LIN7A: variants seen among roughly 807,000 people sequenced by gnomAD.
LIN7A encodes the protein lin-7 cell polarity scaffold A, also known as protein lin-7 homolog A.
A neutral mutation model predicts 29.8 loss-of-function variants in LIN7A; 25 were observed. That is an observed-to-expected ratio of 0.84 (90% CI 0.61 to 1.17). LIN7A has a LOEUF of 1.17. LIN7A is among the 50% of genes most tolerant of loss of function. LIN7A has a pLI of 0.00. For synonymous variants in LIN7A, 118 were observed against 107.5 expected, an observed-to-expected ratio of 1.10 and a Z score of -0.60; for missense variants, 239 against 287.0, an observed-to-expected ratio of 0.83 and a Z score of 1.21.
chr12:80,874,539 T>C (rs1874586850), intron 2 of LIN7A, among the ~76,000 whole-genome samples: 1 of 152,212 alleles, frequency 6.6e-6, no homozygotes. Flanking sequence ...CAATACATTG[T>C]GTTGTGTTAA....
At chr12:80,809,994 T>C (rs1473400707) in intron 5 of LIN7A, among the ~76,000 whole-genome samples, 1 of 152,250 alleles carries the variant, frequency 6.6e-6, no homozygotes, top group Non-Finnish European at 1.5e-5. Flanking sequence ...TTACCACAAA[T>C]ACTTATTGTT....
chr12:80,847,894 C>T (rs533577493), intron 3 of LIN7A, among the ~76,000 whole-genome samples: 6 of 152,168 alleles, frequency 3.9e-5, no homozygotes, highest in Admixed American at 6.5e-5. Context: ...ATCTTTAGAC[C>T]GGTGCAAATA....
intron 2 of LIN7A, among the ~76,000 whole-genome samples, chr12:80,887,732 C>T (rs140862284): frequency 1.3e-5 from 2 of 152,218 alleles, no homozygotes; most frequent in East Asian, 3.9e-4. Context: ...TTTTCTCCCA[C>T]TAGACTGTGA....
chr12:80,842,197 CT>C (rs1872856108), intron 4 of LIN7A: 1 of 1,099,948 alleles, frequency 9.1e-7, no homozygotes, highest in South Asian at 1.4e-5. Context: ...ATTTCCCCCC[CT>C]TTCCATCACA....
chr12:80,927,223 G>A (rs1275308231), intron 1 of LIN7A, among the ~76,000 whole-genome samples: 1 of 138,804 alleles, frequency 7.2e-6, no homozygotes, highest in African/African-American at 2.7e-5. Flanking sequence ...GTGCAGTGGC[G>A]TGATCTCGGC....
At chr12:80,875,129 G>T (rs2120528980) in intron 2 of LIN7A, among the ~76,000 whole-genome samples, 1 of 152,284 alleles carries the variant, frequency 6.6e-6, no homozygotes, top group Non-Finnish European at 1.5e-5. Flanking sequence ...CTTTGGTTCT[G>T]GTGCTAACTC....
intron 2 of LIN7A, among the ~76,000 whole-genome samples, chr12:80,864,435 ATTTT>A (rs1411121862): frequency 1.3e-5 from 2 of 152,110 alleles, no homozygotes; most frequent in African/African-American, 4.8e-5. Context: ...AAGCATTTGA[ATTTT>A]TTGTTTTGAA....
intron 4 of LIN7A, among the ~76,000 whole-genome samples, chr12:80,822,911 C>T (rs1871881226): frequency 6.6e-6 from 1 of 152,148 alleles, no homozygotes; most frequent in South Asian, 2.1e-4. Context: ...GGCTGGGCTG[C>T]CTGTTCAACG....
At chr12:80,806,670 G>A (rs1007013202) in intron 5 of LIN7A, among the ~76,000 whole-genome samples, 1 of 152,184 alleles carries the variant, frequency 6.6e-6, no homozygotes, top group Non-Finnish European at 1.5e-5. Flanking sequence ...GATGCTTAAA[G>A]TCTAATAGTT....
intron 4 of LIN7A, 189 bp downstream of exon 4, chr12:80,845,541 C>T (rs769455697): frequency 2.4e-5 from 12 of 495,464 alleles, no homozygotes; most frequent in Middle Eastern, 5.1e-4. Flanking sequence ...CATAACTGAA[C>T]ATAATGAAAT....
At chr12:80,908,892 A>G (rs1461112516) in intron 1 of LIN7A, among the ~76,000 whole-genome samples, 3 of 151,944 alleles carry the variant, frequency 2.0e-5, no homozygotes, top group Non-Finnish European at 2.9e-5. Context: ...TTTGAATACA[A>G]ATACTTTATC....
chr12:80,848,258 G>GT lies in LIN7A; in HGVS notation c.265dup (p.Thr89AsnfsTer12). The GT allele has an allele frequency of 6.2e-7, 1 of 1,612,322 alleles. No individual in the cohort carries two copies. Among genetic ancestry groups the GT allele is most frequent in the Non-Finnish European group, 8.5e-7 (1 of 1,178,566 alleles). ...AAGTTACTCAAGCCTTACCTTTGCTGTTGCCCTCGCACGGAATTCGGGACA... is the reference window on the plus strand; with the variant it reads ...AAGTTACTCAAGCCTTACCTTTGCTGTTTGCCCTCGCACGGAATTCGGGACA... On this transcript the variant is annotated frameshift_variant, in exon 3 of 6. Transcript: ENST00000552864. LOFTEE classifies it high-confidence loss of function.
At chr12:80,845,531 C>T in intron 4 of LIN7A, 199 bp downstream of exon 4, 1 of 448,322 alleles carries the variant, frequency 2.2e-6, no homozygotes. Context: ...TGATATTTAT[C>T]ATAACTGAAC....
chr12:80,897,804 A>G (rs1684349003), intron 1 of LIN7A, among the ~76,000 whole-genome samples: 1 of 151,968 alleles, frequency 6.6e-6, no homozygotes, highest in Non-Finnish European at 1.5e-5. Context: ...GACTGTCTCA[A>G]AAAAAATAAA....
chr12:80,804,026 A>G (rs1216098600), intron 5 of LIN7A, among the ~76,000 whole-genome samples: 2 of 152,200 alleles, frequency 1.3e-5, no homozygotes, highest in Non-Finnish European at 2.9e-5. Flanking sequence ...AATGTTAGGT[A>G]CATTTAAAAA....
intron 4 of LIN7A, among the ~76,000 whole-genome samples, chr12:80,824,490 G>T (rs1871964057): frequency 6.6e-6 from 1 of 151,994 alleles, no homozygotes; most frequent in South Asian, 2.1e-4. Context: ...AAGATAAAGA[G>T]GAAATCCTCC....
chr12:80,900,881 G>A (rs1367839591), intron 1 of LIN7A, among the ~76,000 whole-genome samples: 1 of 152,088 alleles, frequency 6.6e-6, no homozygotes, highest in Non-Finnish European at 1.5e-5. Flanking sequence ...TTAAGGAACT[G>A]GACTCCATCT....
chr12:80,834,497 T>C (rs1435023866), intron 4 of LIN7A, among the ~76,000 whole-genome samples: 1 of 152,176 alleles, frequency 6.6e-6, no homozygotes, highest in Non-Finnish European at 1.5e-5. Flanking sequence ...CTAATGATTT[T>C]GTATCTATGA....
intron 1 of LIN7A, among the ~76,000 whole-genome samples, chr12:80,913,639 G>C (rs1430581811): frequency 6.6e-6 from 1 of 152,134 alleles, no homozygotes; most frequent in Non-Finnish European, 1.5e-5. Flanking sequence ...ATTTCAGAAG[G>C]AAGCATCACA....
Sources: allele counts gnomAD v4.1 joint callset (sites outside exome capture counted in the v4.1 genomes callset), GRCh38; gene constraint gnomAD v4.1.1; transcripts MANE v1.5; gene names NCBI Gene and HGNC (gene_info 2026-07-23, HGNC 2026-07-21).